The following TMEM255B variants were observed in gnomAD, a reference collection of about 807,000 sequenced individuals.
TMEM255B encodes the protein family with sequence similarity 70, member B.
In TMEM255B, 35 loss-of-function variants were observed where a neutral mutation model predicts 34.5. That is an observed-to-expected ratio of 1.01 (90% CI 0.77 to 1.34). TMEM255B has a LOEUF of 1.34. TMEM255B is among the 40% of genes most tolerant of loss of function. TMEM255B has a pLI of 0.00. For missense variants in TMEM255B, 432 were observed against 433.2 expected (o/e 1.00, Z 0.02); for synonymous variants, 206 against 201.2 (o/e 1.02, Z -0.20).
intron 5 of TMEM255B, among the ~76,000 whole-genome samples, chr13:113,800,342 T>TGTGTGTGTGTGTGTG (rs1236534768): frequency 1.5e-5 from 2 of 134,830 alleles, no homozygotes; most frequent in Non-Finnish European, 3.2e-5. Context: ...TGTGTGTGTG[T>TGTGTGTGTGTGTGTG]TGGGGGGTGT....
At chr13:113,784,081 A>T (rs2050704597) in intron 3 of TMEM255B, among the ~76,000 whole-genome samples, 1 of 152,136 alleles carries the variant, frequency 6.6e-6, no homozygotes, top group Non-Finnish European at 1.5e-5. Context: ...AGGCCGTGTT[A>T]CCATAAAAAA....
Position 113,811,965 on chromosome 13 carries a change from G to A in TMEM255B, c.*62G>A. The A allele has an allele frequency of 6.6e-7, 1 of 1,520,372 alleles. No individual in the cohort carries two copies. Among genetic ancestry groups the A allele is most frequent in the Non-Finnish European group, 8.8e-7 (1 of 1,135,968 alleles). 94.2% of individuals were successfully genotyped at this position (1,520,372 alleles called of 1,614,324 possible). Reference sequence around the variant, plus strand: ...TTTTTTAAAAAAAAGGCAGCCTCTAGAAATCCCGCTTCTGTGGCCAACCTC... The same window carrying A: ...TTTTTTAAAAAAAAGGCAGCCTCTAAAAATCCCGCTTCTGTGGCCAACCTC... On this transcript the variant is annotated 3_prime_UTR_variant, in exon 9 of 9. Coordinates refer to ENST00000375353, the MANE Select transcript of TMEM255B (RefSeq NM_182614.4).
intron 3 of TMEM255B, among the ~76,000 whole-genome samples, chr13:113,771,034 C>T (rs1019590488): frequency 6.6e-6 from 1 of 152,076 alleles, no homozygotes; most frequent in African/African-American, 2.4e-5. Context: ...TATAACTCAC[C>T]CATTTAAAGC....
intron 3 of TMEM255B, among the ~76,000 whole-genome samples, chr13:113,790,164 A>T (rs796681860): frequency 0.27 from 22,621 of 82,596 alleles, 3,788 homozygotes; most frequent in East Asian, 0.57. Context: ...ACATCCTAAC[A>T]CTGAACTGAC....
chr13:113,774,564 A>C (rs2050528799), intron 3 of TMEM255B, among the ~76,000 whole-genome samples: 1 of 140,054 alleles, frequency 7.1e-6, no homozygotes, highest in South Asian at 2.3e-4. Context: ...ACACACACAC[A>C]ACACACATGA....
At chr13:113,807,414 G>A (rs1240926223) in intron 8 of TMEM255B, among the ~76,000 whole-genome samples, 2 of 143,462 alleles carry the variant, frequency 1.4e-5, no homozygotes, top group East Asian at 2.1e-4. Flanking sequence ...GGGCTTACGG[G>A]ATGTGGGGGG....
chr13:113,764,245 G>T (rs1566718400), intron 1 of TMEM255B, among the ~76,000 whole-genome samples: 1 of 152,190 alleles, frequency 6.6e-6, no homozygotes, highest in Non-Finnish European at 1.5e-5. Context: ...GTGGCCTTGG[G>T]GCTCCTGGTG....
intron 2 of TMEM255B, 175 bp from the exon 3 acceptor site, chr13:113,768,923 C>T (rs755851458): frequency 1.4e-6 from 1 of 707,310 alleles, no homozygotes; most frequent in Admixed American, 2.0e-5. Context: ...AGATGCCTGC[C>T]CAACGCCAGC....
intron 3 of TMEM255B, among the ~76,000 whole-genome samples, chr13:113,776,090 A>G (rs979394473): frequency 6.6e-6 from 1 of 152,100 alleles, no homozygotes; most frequent in African/African-American, 2.4e-5. Context: ...CTCAGGCCAC[A>G]CCTGCAGGGG....
At chr13:113,804,260 T>A (rs2051121305) in intron 7 of TMEM255B, among the ~76,000 whole-genome samples, 1 of 152,122 alleles carries the variant, frequency 6.6e-6, no homozygotes, top group Non-Finnish European at 1.5e-5. Context: ...TCAGTGAAAG[T>A]GTGGACGGGA....
chr13:113,768,826 G>T (rs1375995608), intron 2 of TMEM255B: 2 of 549,994 alleles, frequency 3.6e-6, no homozygotes, highest in Non-Finnish European at 7.2e-6. Context: ...GGAGGAGTGG[G>T]AACTTCTCTT....
rs1466857503 is a variant in TMEM255B, at chr13:113,808,791, C to CT, written c.814-2944dup. 9.6e-4 allele frequency among the ~76,000 whole-genome samples: 18 copies of CT among 18,728 alleles called. 1 individual carries two copies. The highest frequency in any genetic ancestry group is 0.05 in the Middle Eastern group (1 of 20). The allele number at this position is 18,728 out of a possible 152,430, so 12.3% of individuals were successfully genotyped here. A position where few individuals can be genotyped will look rare whatever the true frequency, so the allele number is the denominator to read the frequency against. On this transcript the variant is annotated intron_variant, in intron 8 of 8. Transcript: ENST00000375353. Reference sequence around the variant, plus strand: ...TTCTGGCGGTGTAACTCTGTGGTTCCTGGGGGGGGGGTTACTCCATGTTTC... The same window carrying CT: ...TTCTGGCGGTGTAACTCTGTGGTTCCTTGGGGGGGGGGTTACTCCATGTTTC...
At chr13:113,803,566 G>A (rs1374894630) in intron 7 of TMEM255B, among the ~76,000 whole-genome samples, 2 of 148,530 alleles carry the variant, frequency 1.3e-5, no homozygotes, top group African/African-American at 4.9e-5. Context: ...CTGTGCACTC[G>A]CCCCGGCCCC....
At position 113,785,698 on chromosome 13, in the gene TMEM255B, C is replaced by T. The variant is rs369234710; in HGVS notation, c.253-9450C>T. On this transcript the variant is annotated intron_variant, in intron 3 of 8. Transcript: ENST00000375353. ...CAGGGTCAGAAGTAGGAACGGTTGC[C>T]GCTGGGCTTGGAGACCCCACTCTGG... Among the ~76,000 whole-genome samples the T allele has an allele frequency of 4.7e-4, 71 of 152,290 alleles. No individual in the cohort carries two copies. In the East Asian group the frequency reaches 0.01, roughly 22 times the overall value.
At chr13:113,764,261 C>T (rs1335611505) in intron 1 of TMEM255B, among the ~76,000 whole-genome samples, 1 of 152,186 alleles carries the variant, frequency 6.6e-6, no homozygotes, top group Non-Finnish European at 1.5e-5. Context: ...TGGTGCTGTG[C>T]CCGCCCCTGC....
At position 113,806,882 on chromosome 13, in the gene TMEM255B, C is replaced by T. The variant is rs1158741798; in HGVS notation, c.813+1854C>T. 6.6e-6 allele frequency among the ~76,000 whole-genome samples: 1 copy of T among 151,762 alleles called. No homozygotes were observed. Among genetic ancestry groups the T allele is most frequent in the East Asian group, 1.9e-4 (1 of 5,154 alleles). ...TCCAGGGACGCTGGGCCTGCAGGTG[C>T]TCCCCAAGCGGCTCTACACAGACAC... is the stretch of plus-strand genomic sequence containing the variant. On this transcript the variant is annotated intron_variant, in intron 8 of 8. Coordinates refer to ENST00000375353, the MANE Select transcript of TMEM255B (RefSeq NM_182614.4). The surrounding 1 kb of genome is among the most constrained non-coding windows in gnomAD (Gnocchi z 4.2).
Position 113,766,159 on chromosome 13 carries a change from T to A in TMEM255B, c.91T>A (p.Ser31Thr). The change falls in exon 2 of 9, where the codon TCT becomes ACT. Residue 31 changes from serine (S) to threonine (T), a missense_variant. By Grantham distance (58) the Ser-to-Thr change is moderately conservative. Transcript: ENST00000375353. Reference sequence around the variant, plus strand: ...GAAGACGTCGCTCTGGTTTGTGGGGTCTCTGCTGCTGGTGTCCGTCCTCAT... The same window carrying A: ...GAAGACGTCGCTCTGGTTTGTGGGGACTCTGCTGCTGGTGTCCGTCCTCAT... ...RKKTSLWFVG[S>T]LLLVSVLIVT... 1 of 1,614,036 alleles carries A rather than the reference T, an allele frequency of 6.2e-7. No individual in the cohort carries two copies. The highest frequency in any genetic ancestry group is 1.1e-5 in the South Asian group (1 of 91,080).
At chr13:113,791,026 T>A (rs559467868) in intron 3 of TMEM255B, among the ~76,000 whole-genome samples, 4 of 152,296 alleles carry the variant, frequency 2.6e-5, no homozygotes, top group Admixed American at 2.6e-4. Context: ...TTATGAAACA[T>A]GGGTGATGGA....
chr13:113,787,484 G>A (rs1325078985), intron 3 of TMEM255B, among the ~76,000 whole-genome samples: 1 of 152,160 alleles, frequency 6.6e-6, no homozygotes, highest in Non-Finnish European at 1.5e-5. Context: ...GAAATGAGCA[G>A]GTCAAAGTTC....
Sources: gnomAD v4.1 joint callset for allele counts (sites outside exome capture counted in the v4.1 genomes callset) on GRCh38, gnomAD v4.1.1 for gene constraint, Gnocchi (gnomAD v3.1) non-coding constraint, MANE v1.5 for transcripts, NCBI Gene and HGNC (gene_info 2026-07-23, HGNC 2026-07-21) for gene names.